Variants in DCDC1 observed in about 807,000 individuals in gnomAD.
The protein encoded by DCDC1 is doublecortin domain-containing protein 1.
DCDC1 carries 200 observed loss-of-function variants against 178.3 expected under a neutral mutation model. That is an observed-to-expected ratio of 1.12 (90% CI 1.00 to 1.26). The LOEUF (loss-of-function observed/expected upper bound fraction) is 1.26. Ranked by LOEUF, DCDC1 falls within the 50% of genes most tolerant of loss-of-function variation. The pLI, the probability that DCDC1 is intolerant of heterozygous loss-of-function variation, is 0.00. For synonymous variants in DCDC1, 690 were observed against 604.8 expected (o/e 1.14, Z -2.07); for missense variants, 1,983 against 1,749.2 (o/e 1.13, Z -2.38).
At chr11:31,306,438 C>G in intron 4 of DCDC1, 50 bp from the exon 5 acceptor site, 2 of 1,515,924 alleles carry the variant, frequency 1.3e-6, no homozygotes, top group Non-Finnish European at 1.8e-6. Context: ...TTAGTGAAAG[C>G]TTTTAAATAA....
chr11:30,962,897 C>A (rs1357571608), intron 20 of DCDC1, among the ~76,000 whole-genome samples: 2 of 152,028 alleles, frequency 1.3e-5, no homozygotes, highest in African/African-American at 4.8e-5. Flanking sequence ...GCTCTCTTTG[C>A]AACTCAGTAG....
At chr11:30,946,216 G>T (rs756285823) in intron 21 of DCDC1, among the ~76,000 whole-genome samples, 2 of 152,136 alleles carry the variant, frequency 1.3e-5, no homozygotes, top group Non-Finnish European at 2.9e-5. Flanking sequence ...CAACCTGCTG[G>T]CACCTGCTTA....
chr11:31,182,732 T>C lies in DCDC1; in HGVS notation c.1222-44948A>G, dbSNP rs1272632916. On this transcript the variant is annotated intron_variant, in intron 9 of 38. Coordinates refer to ENST00000684477, the MANE Select transcript of DCDC1 (RefSeq NM_001387274.1). ...AGCAGCTAGCATCATAATGACAGGATCAAATTCACACATAAGAATATTAAC... is the reference window on the plus strand; with the variant it reads ...AGCAGCTAGCATCATAATGACAGGACCAAATTCACACATAAGAATATTAAC... 5.9e-5 allele frequency among the ~76,000 whole-genome samples: 9 copies of C among 152,066 alleles called. No homozygotes were observed. In the East Asian group the frequency reaches 1.7e-3, roughly 29 times the overall value.
chr11:31,053,040 A>T (rs570826826), intron 20 of DCDC1, among the ~76,000 whole-genome samples: 2 of 152,130 alleles, frequency 1.3e-5, no homozygotes, highest in Non-Finnish European at 2.9e-5. Context: ...TAAATGAAAC[A>T]AAAAGCTGGT....
chr11:31,111,587 A>T (rs558969755), intron 11 of DCDC1, among the ~76,000 whole-genome samples: 1 of 152,304 alleles, frequency 6.6e-6, no homozygotes, highest in South Asian at 2.1e-4. Context: ...GAGTAAAAAA[A>T]ATCTCTCTAC....
Position 30,870,739 on chromosome 11 carries a change from T to C in DCDC1, c.*41-5407A>G, listed in dbSNP as rs547979. On this transcript the variant is annotated intron_variant, in intron 38 of 38. Transcript: ENST00000684477. Reference sequence around the variant, plus strand: ...ATTCATCCTGATATTGTAATCAAAGTCACAGATTCTAACCTCAATTTTGTG... The same window carrying C: ...ATTCATCCTGATATTGTAATCAAAGCCACAGATTCTAACCTCAATTTTGTG... Among the ~76,000 whole-genome samples the C allele has an allele frequency of 3.5e-3, 535 of 152,294 alleles. 2 individuals are homozygous for C. The highest frequency in any genetic ancestry group is 0.012 in the African/African-American group (505 of 41,560).
intron 20 of DCDC1, among the ~76,000 whole-genome samples, chr11:31,017,888 C>T (rs568663223): frequency 2.0e-5 from 3 of 152,254 alleles, no homozygotes; most frequent in South Asian, 2.1e-4. Context: ...CCACCATGCC[C>T]GGCCTCACTA....
intron 18 of DCDC1, among the ~76,000 whole-genome samples, chr11:31,075,296 T>C (rs550591203): frequency 1.9e-3 from 289 of 152,360 alleles, no homozygotes; most frequent in Non-Finnish European, 3.6e-3. Context: ...TGTTCACTGA[T>C]AGAACTTTAG....
At chr11:31,345,943 G>A (rs916280384) in intron 1 of DCDC1, among the ~76,000 whole-genome samples, 7 of 152,092 alleles carry the variant, frequency 4.6e-5, no homozygotes, top group African/African-American at 1.7e-4. Context: ...AAAGACAAAG[G>A]GAAGTTTATA....
chr11:30,988,927 C>T (rs1444099838), intron 20 of DCDC1, among the ~76,000 whole-genome samples: 1 of 152,054 alleles, frequency 6.6e-6, no homozygotes, highest in Non-Finnish European at 1.5e-5. Flanking sequence ...TCCAGTAACA[C>T]CTCCAGATGA....
In DCDC1 at chr11:31,241,501, A is replaced by C. The variant is rs1977130394; in HGVS notation, c.1170T>G (p.Val390=). The change falls in exon 9 of 39, where the codon GTT becomes GTG. Residue 390 remains valine, a synonymous_variant. Coordinates refer to ENST00000684477, the MANE Select transcript of DCDC1 (RefSeq NM_001387274.1). ...TTAATCGTTGGTACAGGGCCAAAAG[A>C]ACTCCTTGGATGTACATCTTAGCTC... ...PSGAKMYIQG[V]LLALYQRLKS... 1 of 397,436 alleles carries C rather than the reference A, an allele frequency of 2.5e-6. No individual in the cohort carries two copies. Among genetic ancestry groups the C allele is most frequent in the Admixed American group, 4.4e-5 (1 of 22,606 alleles). The allele number at this position is 397,436 out of a possible 1,614,324, so 24.6% of individuals were successfully genotyped here. A position where few individuals can be genotyped will look rare whatever the true frequency, so the allele number is the denominator to read the frequency against.
chr11:30,941,819 G>A (rs920683977), intron 21 of DCDC1, among the ~76,000 whole-genome samples: 1 of 152,138 alleles, frequency 6.6e-6, no homozygotes, highest in East Asian at 1.9e-4. Flanking sequence ...TTTGTGAGAT[G>A]AGTGCATAAA....
intron 21 of DCDC1, among the ~76,000 whole-genome samples, chr11:30,950,573 T>C (rs1299490449): frequency 1.3e-5 from 2 of 152,156 alleles, no homozygotes; most frequent in African/African-American, 2.4e-5. Context: ...CTGGAGGACA[T>C]TTTGTTAAGT....
intron 21 of DCDC1, among the ~76,000 whole-genome samples, chr11:30,937,704 C>A (rs1472563009): frequency 6.6e-6 from 1 of 152,126 alleles, no homozygotes; most frequent in Admixed American, 6.6e-5. Flanking sequence ...ATTCCTCAAT[C>A]GGTTTTTCAT....
intron 8 of DCDC1, among the ~76,000 whole-genome samples, chr11:31,264,789 A>G (rs1352461777): frequency 6.6e-6 from 1 of 152,180 alleles, no homozygotes; most frequent in Non-Finnish European, 1.5e-5. Flanking sequence ...TTGAGGGACA[A>G]TGATGTGCCG....
chr11:31,360,111 C>A (rs1033901286), intron 1 of DCDC1, among the ~76,000 whole-genome samples: 4 of 152,184 alleles, frequency 2.6e-5, no homozygotes, highest in African/African-American at 7.2e-5. Flanking sequence ...CATGTCTAGA[C>A]ATGGTAGAAA....
rs202243009 is a variant in DCDC1, at chr11:31,158,406, C to T, written c.1222-20622G>A. On this transcript the variant is annotated intron_variant, in intron 9 of 38. Transcript: ENST00000684477. ...TGCTGGGATTACAGGCGTGAGCCAC[C>T]GCGCCTGGCCAAGCCAATACATTGT... Among the ~76,000 whole-genome samples, 8 of 152,042 alleles carry T rather than the reference C, an allele frequency of 5.3e-5. No individual in the cohort carries two copies. In the East Asian group the frequency reaches 7.7e-4, roughly 15 times the overall value.
chr11:31,341,382 T>TATAGATAGATAGATAG (rs10552471), intron 1 of DCDC1, among the ~76,000 whole-genome samples: 3 of 134,678 alleles, frequency 2.2e-5, no homozygotes, highest in Admixed American at 7.6e-5. Context: ...ATTCCAGTTT[T>TATAGATAGATAGATAG]ATAGATAGAT....
intron 11 of DCDC1, among the ~76,000 whole-genome samples, chr11:31,116,453 C>A (rs1249976970): frequency 6.6e-6 from 1 of 151,926 alleles, no homozygotes; most frequent in Non-Finnish European, 1.5e-5. Context: ...CAGAAAATCA[C>A]TTCTAACTCA....
Sources: allele counts gnomAD v4.1 joint callset (sites outside exome capture counted in the v4.1 genomes callset), GRCh38; gene constraint gnomAD v4.1.1; transcripts MANE v1.5; gene names NCBI Gene and HGNC (gene_info 2026-07-23, HGNC 2026-07-21).